The following ULK4 variants were observed in gnomAD, a reference collection of about 807,000 sequenced individuals.
The protein encoded by ULK4 is unc-51 like kinase 4.
Under a neutral mutation model 160.6 loss-of-function variants are expected in ULK4, and 133 were observed. The ratio of observed to expected loss-of-function variants is 0.83; its 90% CI spans 0.72 to 0.96. The LOEUF (loss-of-function observed/expected upper bound fraction) is 0.96. ULK4 is among the 40% of genes least tolerant of loss of function. The probability of loss-of-function intolerance (pLI) is 0.00; values close to 1 mark genes in which losing one functional copy is unlikely to be tolerated. For missense variants in ULK4, 1,580 were observed against 1,499.5 expected (o/e 1.05, Z -0.89); for synonymous variants, 534 against 539.8 (o/e 0.99, Z 0.15).
intron 35 of ULK4, among the ~76,000 whole-genome samples, chr3:41,316,959 G>C (rs1156898524): frequency 6.7e-6 from 1 of 149,986 alleles, no homozygotes; most frequent in Admixed American, 6.6e-5. Flanking sequence ...ATTTTTCTAT[G>C]CAATTTTAAT....
intron 35 of ULK4, among the ~76,000 whole-genome samples, chr3:41,366,560 C>CAA (rs2081257968): frequency 6.6e-6 from 1 of 151,844 alleles, no homozygotes; most frequent in Non-Finnish European, 1.5e-5. Flanking sequence ...CACACACACA[C>CAA]ACACACACAC....
intron 25 of ULK4, among the ~76,000 whole-genome samples, 198 bp downstream of exon 25, chr3:41,715,039 A>G (rs2037218809): frequency 1.3e-5 from 2 of 152,202 alleles, no homozygotes; most frequent in Admixed American, 1.3e-4. Context: ...AACAAAATAC[A>G]TTATCAGGAG....
chr3:41,927,675 C>CA (rs35242579), intron 5 of ULK4, among the ~76,000 whole-genome samples: 83,751 of 118,310 alleles, frequency 0.71, 29,010 homozygotes, highest in South Asian at 0.81. Context: ...AAATGGAAAG[C>CA]AAAAAAAAAA....
At chr3:41,351,965 T>C (rs1009889747) in intron 35 of ULK4, among the ~76,000 whole-genome samples, 8 of 152,156 alleles carry the variant, frequency 5.3e-5, no homozygotes, top group Non-Finnish European at 1.2e-4. Context: ...ATTACAGTGG[T>C]TTGTGCCAAA....
chr3:41,588,286 T>C (rs976103551), intron 31 of ULK4, among the ~76,000 whole-genome samples: 9 of 152,244 alleles, frequency 5.9e-5, no homozygotes, highest in Admixed American at 2.0e-4. Context: ...AATTAATATA[T>C]ACTTTTTGGA....
intron 17 of ULK4, among the ~76,000 whole-genome samples, chr3:41,853,144 C>T (rs1220551327): frequency 6.6e-6 from 1 of 150,912 alleles, no homozygotes. Flanking sequence ...ACTGAAGAGT[C>T]TGTAAAAACA....
chr3:41,379,869 G>T (rs941835681), intron 35 of ULK4, among the ~76,000 whole-genome samples: 1 of 152,170 alleles, frequency 6.6e-6, no homozygotes, highest in African/African-American at 2.4e-5. Context: ...AATGGGTAGT[G>T]AGAGTGGCAG....
chr3:41,480,123 C>T lies in ULK4; in HGVS notation c.3227-16870G>A, dbSNP rs374822316. ...TCGGGAAGCTGAGGCAGGAGAATGA[C>T]GTGAACCTGGGAGGCGGAGCTTGCA... On this transcript the variant is annotated intron_variant, in intron 32 of 36. Transcript: ENST00000301831. Among the ~76,000 whole-genome samples the T allele has an allele frequency of 6.8e-5, 10 of 148,140 alleles. No homozygotes were observed. In the South Asian group the frequency reaches 1.1e-3, roughly 16 times the overall value.
chr3:41,894,948 T>C (rs1358358793), intron 16 of ULK4, among the ~76,000 whole-genome samples: 5 of 152,186 alleles, frequency 3.3e-5, no homozygotes, highest in Admixed American at 6.5e-5. Context: ...GACACTTCCT[T>C]CCATCGGGAG....
intron 31 of ULK4, among the ~76,000 whole-genome samples, chr3:41,585,569 GAAGAA>G (rs1326010152): frequency 6.6e-6 from 1 of 152,138 alleles, no homozygotes; most frequent in African/African-American, 2.4e-5. Flanking sequence ...AAAACTTCTA[GAAGAA>G]AACATAGAGG....
Position 41,546,766 on chromosome 3 carries a change from TTA to T in ULK4, c.3226+19257_3226+19258del, listed in dbSNP as rs1491384094. Among the ~76,000 whole-genome samples the T allele has an allele frequency of 2.3e-4, 28 of 122,282 alleles. 1 individual carries two copies. Among genetic ancestry groups the T allele is most frequent in the African/African-American group, 8.8e-4 (24 of 27,328 alleles). The allele number at this position is 122,282 out of a possible 152,430, so 80.2% of individuals were successfully genotyped here. On this transcript the variant is annotated intron_variant, in intron 32 of 36. Transcript: ENST00000301831. ...AGATTCTACTTTCCTCCCTAGGCCC[TTA>T]AAAAAAAAAAAAAAAAAAAAAAAGC...
chr3:41,692,160 C>T (rs1177563588), intron 27 of ULK4, among the ~76,000 whole-genome samples: 1 of 151,394 alleles, frequency 6.6e-6, no homozygotes, highest in East Asian at 1.9e-4. Flanking sequence ...ACCGTGTTAG[C>T]CAGGATCGTC....
intron 21 of ULK4, among the ~76,000 whole-genome samples, chr3:41,765,095 A>G (rs973161145): frequency 2.0e-5 from 3 of 152,202 alleles, no homozygotes; most frequent in Non-Finnish European, 2.9e-5. Context: ...CTGCTATAAA[A>G]ACACATGCAC....
At chr3:41,416,246 T>C (rs993088308) in intron 34 of ULK4, among the ~76,000 whole-genome samples, 40 of 151,972 alleles carry the variant, frequency 2.6e-4, no homozygotes. Flanking sequence ...TGGTCTGGTA[T>C]TTTTAAAGAT....
At chr3:41,903,175 T>C (rs531044657) in intron 12 of ULK4, among the ~76,000 whole-genome samples, 1 of 152,298 alleles carries the variant, frequency 6.6e-6, no homozygotes, top group South Asian at 2.1e-4. Flanking sequence ...ATTATATTGG[T>C]CCGTAAAGTA....
chr3:41,256,529 G>A (rs979645689), intron 35 of ULK4, among the ~76,000 whole-genome samples: 15 of 152,108 alleles, frequency 9.9e-5, no homozygotes, highest in Admixed American at 3.3e-4. Flanking sequence ...AAATGGATGC[G>A]CATATGCATA....
At position 41,663,714 on chromosome 3, in the gene ULK4, A is replaced by G. The variant is rs1159875807; in HGVS notation, c.2979-15T>C. 1.2e-6 allele frequency: 2 copies of G among 1,607,788 alleles called. No homozygotes were observed. The highest frequency in any genetic ancestry group is 1.3e-5 in the African/African-American group (1 of 74,804). ...TGTGCTCATACCTGAAATGGTAAAGACATTTAAAAAATACTCAGTAGGAAA... is the reference window on the plus strand; with the variant it reads ...TGTGCTCATACCTGAAATGGTAAAGGCATTTAAAAAATACTCAGTAGGAAA... On this transcript the variant is annotated splice_polypyrimidine_tract_variant and intron_variant, in intron 29 of 36. Transcript: ENST00000301831.
intron 16 of ULK4, among the ~76,000 whole-genome samples, chr3:41,884,375 T>C (rs760462126): frequency 6.6e-6 from 1 of 152,228 alleles, no homozygotes; most frequent in Non-Finnish European, 1.5e-5. Flanking sequence ...ATCTGAACAG[T>C]AACATATCTG....
chr3:41,358,118 A>G (rs939615364), intron 35 of ULK4, among the ~76,000 whole-genome samples: 1 of 152,220 alleles, frequency 6.6e-6, no homozygotes, highest in African/African-American at 2.4e-5. Context: ...TGCCTCTCAC[A>G]TGATCTCTAG....
Sources: allele counts gnomAD v4.1 joint callset (sites outside exome capture counted in the v4.1 genomes callset), GRCh38; gene constraint gnomAD v4.1.1; transcripts MANE v1.5; gene names NCBI Gene and HGNC (gene_info 2026-07-23, HGNC 2026-07-21).